The following PRKACB variants were observed in gnomAD, a reference collection of about 807,000 sequenced individuals.
PRKACB encodes the protein cAMP-dependent protein kinase catalytic subunit beta.
In PRKACB, 16 loss-of-function variants were observed where a neutral mutation model predicts 51.4. The observed-to-expected ratio is 0.31, with a 90% confidence interval of 0.21 to 0.47. The LOEUF (loss-of-function observed/expected upper bound fraction) is 0.47, where lower values mean the gene tolerates loss of function less well. Among genes scored for constraint, PRKACB ranks in the 20% least tolerant of loss-of-function variants. The probability of loss-of-function intolerance (pLI) is 1.00; values close to 1 mark genes in which losing one functional copy is unlikely to be tolerated. For synonymous variants in PRKACB, 147 were observed against 154.4 expected, an observed-to-expected ratio of 0.95 and a Z score of 0.35; for missense variants, 309 against 464.5, an observed-to-expected ratio of 0.67 and a Z score of 3.08.
At chr1:84,226,764 T>G in intron 9 of PRKACB, among the ~76,000 whole-genome samples, 1 of 152,172 alleles carries the variant, frequency 6.6e-6, no homozygotes, top group Non-Finnish European at 1.5e-5. Context: ...GTAGGGCCCT[T>G]GAGCTTTCTT....
rs936117664 is a variant in PRKACB at position 84,214,583 on chromosome 1, C to T, written c.1071+266C>T. ...TCTCTGCTCACTGCAACCTCCGCCA[C>T]CTCAGTTCAAGTGATTCTCCTGCTT... On this transcript the variant is annotated intron_variant, in intron 9 of 9. Coordinates refer to ENST00000370685, the MANE Select transcript of PRKACB (RefSeq NM_182948.4). Among the ~76,000 whole-genome samples the T allele has an allele frequency of 3.3e-5, 5 of 151,438 alleles. No individual in the cohort carries two copies. In the South Asian group the frequency reaches 6.2e-4, roughly 19 times the overall value.
rs1373853042 is a variant in PRKACB at position 84,237,764 on chromosome 1, T to A, written c.*2459T>A. Reference sequence around the variant, plus strand: ...ATTTGAAACAGAAGATATTATGTTATGCTCAGTAAATAATTAAGAGATGGC... The same window carrying A: ...ATTTGAAACAGAAGATATTATGTTAAGCTCAGTAAATAATTAAGAGATGGC... On this transcript the variant is annotated 3_prime_UTR_variant, in exon 10 of 10. Coordinates refer to ENST00000370685, the MANE Select transcript of PRKACB (RefSeq NM_182948.4). The A allele has an allele frequency of 6.6e-6, 1 of 152,192 alleles. No homozygotes were observed. The highest frequency in any genetic ancestry group is 1.9e-4 in the East Asian group (1 of 5,206). 9.4% of individuals were successfully genotyped at this position (152,192 alleles called of 1,614,324 possible).
chr1:84,087,405 C>T (rs377360988), intron 1 of PRKACB, among the ~76,000 whole-genome samples: 11 of 152,032 alleles, frequency 7.2e-5, no homozygotes, highest in Admixed American at 3.9e-4. Context: ...AATGAATTAT[C>T]GTAAAACCTT....
chr1:84,129,056 A>G (rs1651914624), intron 1 of PRKACB, among the ~76,000 whole-genome samples: 1 of 152,196 alleles, frequency 6.6e-6, no homozygotes, highest in Admixed American at 6.5e-5. Flanking sequence ...TGGAAGAAAA[A>G]TTAGAGAATA....
intron 1 of PRKACB, among the ~76,000 whole-genome samples, chr1:84,126,864 T>C (rs574757982): frequency 6.6e-6 from 1 of 152,236 alleles, no homozygotes; most frequent in East Asian, 1.9e-4. Context: ...AAAATATATA[T>C]GAAATCTGTC....
At chr1:84,180,183 GATATATATATATAT>G (rs3051182) in intron 2 of PRKACB, among the ~76,000 whole-genome samples, 525 of 32,060 alleles carry the variant, frequency 0.016, 44 homozygotes, top group Middle Eastern at 0.062. Context: ...AAGAAACTGT[GATATATATATATAT>G]ATATATATAT....
In PRKACB at chr1:84,192,596, G is replaced by A. The variant is rs531630417; in HGVS notation, c.561-4020G>A. ...AAAGAAGAGGAATTGTAAACGTGGA[G>A]GGAAAAGCTCCAGAAGGGAACTTGT... is the stretch of plus-strand genomic sequence containing the variant. On this transcript the variant is annotated intron_variant, in intron 5 of 9. Transcript: ENST00000370685. Among the ~76,000 whole-genome samples, 20 of 152,242 alleles carry A rather than the reference G, an allele frequency of 1.3e-4. No homozygotes were observed. In the East Asian group the frequency reaches 3.9e-3, roughly 29 times the overall value.
chr1:84,182,173 A>G (rs752082954), intron 2 of PRKACB, 27 bp from the exon 3 acceptor site: 1 of 1,441,302 alleles, frequency 6.9e-7, no homozygotes, highest in Non-Finnish European at 9.3e-7. Flanking sequence ...CGAGAATTTT[A>G]AATTTTATTT....
intron 9 of PRKACB, among the ~76,000 whole-genome samples, chr1:84,230,171 AC>A (rs1351788251): frequency 6.6e-6 from 1 of 151,734 alleles, no homozygotes; most frequent in Non-Finnish European, 1.5e-5. Context: ...TTTTCCCAGC[AC>A]CATTTATTAA....
rs566522823 is a variant in PRKACB, at chr1:84,232,894, G to C, written c.1072-2286G>C. 7.2e-5 allele frequency among the ~76,000 whole-genome samples: 11 copies of C among 152,118 alleles called. No homozygotes were observed. The South Asian group carries it at 1.7e-3, about 23-fold the overall frequency. ...TTGCCAAGTCTGTGTCTTTTAATTGGAGAATTTAGTCCATTTACATTTAAA... is the reference window on the plus strand; with the variant it reads ...TTGCCAAGTCTGTGTCTTTTAATTGCAGAATTTAGTCCATTTACATTTAAA... On this transcript the variant is annotated intron_variant, in intron 9 of 9. Coordinates refer to ENST00000370685, the MANE Select transcript of PRKACB (RefSeq NM_182948.4).
intron 1 of PRKACB, among the ~76,000 whole-genome samples, chr1:84,136,896 A>G (rs1179742503): frequency 6.6e-6 from 1 of 152,200 alleles, no homozygotes; most frequent in Non-Finnish European, 1.5e-5. Context: ...CCATGTGTCA[A>G]AGAAGAAACC....
chr1:84,186,436 C>T (rs1665134411), intron 5 of PRKACB, among the ~76,000 whole-genome samples: 1 of 151,974 alleles, frequency 6.6e-6, no homozygotes, highest in Non-Finnish European at 1.5e-5. Context: ...CCAGGCTGGT[C>T]TCGAACTCCT....
chr1:84,148,638 G>A (rs1474397933), intron 1 of PRKACB, among the ~76,000 whole-genome samples: 2 of 152,074 alleles, frequency 1.3e-5, no homozygotes, highest in East Asian at 1.9e-4. Context: ...AAAGCCCATG[G>A]CCATTAACCA....
At chr1:84,144,685 A>G (rs923243922) in intron 1 of PRKACB, 137 bp downstream of exon 1, 4 of 903,622 alleles carry the variant, frequency 4.4e-6, no homozygotes, top group Non-Finnish European at 6.4e-6. Context: ...GATGAAGTTG[A>G]AAGAATTCCA....
At chr1:84,078,485 G>T in intron 1 of PRKACB, 4 of 1,234,012 alleles carry the variant, frequency 3.2e-6, no homozygotes, top group South Asian at 2.9e-5. Context: ...AGCAGCGGCC[G>T]CCGGGAGTCG....
chr1:84,143,910 T>C (rs1653691287), upstream of PRKACB, among the ~76,000 whole-genome samples: 1 of 152,206 alleles, frequency 6.6e-6, no homozygotes, highest in Non-Finnish European at 1.5e-5. Context: ...TCATAAAATC[T>C]GTATATTAGT....
intron 1 of PRKACB, among the ~76,000 whole-genome samples, chr1:84,160,194 T>C (rs1174922656): frequency 6.6e-6 from 1 of 152,044 alleles, no homozygotes; most frequent in African/African-American, 2.4e-5. Flanking sequence ...ACTTGAGCTT[T>C]TCTTTGTGGG....
At chr1:84,164,014 A>G (rs1170260361) in intron 1 of PRKACB, among the ~76,000 whole-genome samples, 1 of 152,034 alleles carries the variant, frequency 6.6e-6, no homozygotes, top group Non-Finnish European at 1.5e-5. Flanking sequence ...ACATTTCTGC[A>G]ATAATTGCCA....
At chr1:84,136,620 T>C (rs1652852334) in intron 1 of PRKACB, among the ~76,000 whole-genome samples, 1 of 152,124 alleles carries the variant, frequency 6.6e-6, no homozygotes. Flanking sequence ...GAAGACAGTT[T>C]GGCAATTTCT....
Sources: allele counts gnomAD v4.1 joint callset (sites outside exome capture counted in the v4.1 genomes callset), GRCh38; gene constraint gnomAD v4.1.1; transcripts MANE v1.5; gene names NCBI Gene and HGNC (gene_info 2026-07-23, HGNC 2026-07-21).